Variants in PRH1 observed in about 807,000 individuals in gnomAD.
PRH1 encodes proline rich protein HaeIII subfamily 1.
PRH1 carries 7 observed loss-of-function variants against 7.9 expected under a neutral mutation model. That is an observed-to-expected ratio of 0.89 (90% CI 0.50 to 1.67). The LOEUF is 1.67. Ranked by LOEUF, PRH1 falls within the 40% of genes most tolerant of loss-of-function variation. PRH1 has a pLI of 0.00. For missense variants in PRH1, 109 were observed against 223.6 expected (o/e 0.49, Z 3.27); for synonymous variants, 45 against 80.8 (o/e 0.56, Z 2.38).
At chr12:10,973,704 A>T in exon 2 of PRH1, 1 of 780,246 alleles carries the variant, frequency 1.3e-6, no homozygotes. Flanking sequence ...CAGCAGGCAA[A>T]ATATTCTTCT....
chr12:11,090,230 G>C (rs1265261065), intron 1 of PRH1, among the ~76,000 whole-genome samples: 1 of 98,700 alleles, frequency 1.0e-5, no homozygotes, highest in African/African-American at 3.3e-5. Context: ...AATACATAGG[G>C]TTCACAGATA....
At chr12:10,908,294 ATAAAATATCT>A in intron 2 of PRH1, 1 of 1,238,442 alleles carries the variant, frequency 8.1e-7, no homozygotes, top group Non-Finnish European at 1.1e-6. Context: ...CAGGGGAAGC[ATAAAATATCT>A]TTTAAACTCC....
chr12:11,136,173 G>A (rs1946546906), intron 1 of PRH1, among the ~76,000 whole-genome samples: 1 of 152,056 alleles, frequency 6.6e-6, no homozygotes, highest in Non-Finnish European at 1.5e-5. Context: ...TACCAACTAG[G>A]TATGCAACCC....
chr12:10,991,047 C>A (rs532315470), intron 1 of PRH1, among the ~76,000 whole-genome samples: 1 of 152,252 alleles, frequency 6.6e-6, no homozygotes, highest in Admixed American at 6.5e-5. Context: ...CAAATGACTT[C>A]TTAGAGAAAG....
chr12:10,989,054 C>A (rs372503157), intron 1 of PRH1, among the ~76,000 whole-genome samples: 2 of 152,124 alleles, frequency 1.3e-5, no homozygotes, highest in East Asian at 3.9e-4. Context: ...GTGATCCACC[C>A]GCCTCGGCCT....
chr12:10,974,059 C>T (rs564858216), intron 1 of PRH1, among the ~76,000 whole-genome samples: 24 of 152,214 alleles, frequency 1.6e-4, no homozygotes, highest in South Asian at 1.5e-3. Context: ...ATACTATAGA[C>T]AAGAATAATG....
At chr12:11,002,969 T>C (rs1415443599) in intron 1 of PRH1, among the ~76,000 whole-genome samples, 1 of 152,014 alleles carries the variant, frequency 6.6e-6, no homozygotes, top group Non-Finnish European at 1.5e-5. Flanking sequence ...TTGTACCTTA[T>C]GAAAAATTCC....
intron 1 of PRH1, chr12:10,996,595 C>T (rs531625030): frequency 7.5e-4 from 124 of 164,828 alleles, no homozygotes; most frequent in Non-Finnish European, 1.2e-3. Context: ...TCATAAATTC[C>T]TCAAATGAAA....
At chr12:10,970,173 G>A (rs1349076213) in intron 2 of PRH1, among the ~76,000 whole-genome samples, 1 of 152,158 alleles carries the variant, frequency 6.6e-6, no homozygotes, top group African/African-American at 2.4e-5. Context: ...ATTATACTAA[G>A]TAAGTTTTAC....
At chr12:11,099,551 G>C (rs573595260) in intron 1 of PRH1, among the ~76,000 whole-genome samples, 1 of 152,212 alleles carries the variant, frequency 6.6e-6, no homozygotes, top group African/African-American at 2.4e-5. Flanking sequence ...ACAAAAATTA[G>C]GTGGGCTCAG....
chr12:11,056,751 G>A (rs1315783224), intron 1 of PRH1, among the ~76,000 whole-genome samples: 1 of 152,144 alleles, frequency 6.6e-6, no homozygotes, highest in Non-Finnish European at 1.5e-5. Context: ...CCAGGAGGTG[G>A]AGGTTGTAGT....
intron 2 of PRH1, chr12:10,973,608 T>C (rs770839476): frequency 1.3e-6 from 1 of 763,466 alleles, no homozygotes; most frequent in African/African-American, 1.7e-5. Context: ...AACCAAGTGT[T>C]GCTAGGTTTT....
intron 1 of PRH1, among the ~76,000 whole-genome samples, chr12:11,024,635 TCTC>T (rs889591931): frequency 6.6e-6 from 1 of 152,162 alleles, no homozygotes; most frequent in African/African-American, 2.4e-5. Context: ...TCTTTTCACT[TCTC>T]TATATTTTTT....
At chr12:10,999,289 T>C (rs891331647) in intron 1 of PRH1, among the ~76,000 whole-genome samples, 1 of 152,154 alleles carries the variant, frequency 6.6e-6, no homozygotes, top group Non-Finnish European at 1.5e-5. Flanking sequence ...TCAAAGTTTT[T>C]GTAATATGAG....
upstream of PRH1, among the ~76,000 whole-genome samples, chr12:10,886,258 A>C (rs1949490724): frequency 6.6e-6 from 1 of 152,156 alleles, no homozygotes; most frequent in Non-Finnish European, 1.5e-5. Context: ...CCATCATGTC[A>C]AAAAGGAAGG....
chr12:11,132,488 CAA>C (rs906984947), intron 1 of PRH1, among the ~76,000 whole-genome samples: 4 of 152,098 alleles, frequency 2.6e-5, no homozygotes, highest in Non-Finnish European at 4.4e-5. Flanking sequence ...AGCTCAATTT[CAA>C]AAAAAGTTTT....
At chr12:10,884,372 C>G (rs551263088), upstream of PRH1, 1 of 801,630 alleles carries the variant, frequency 1.2e-6, no homozygotes, top group Non-Finnish European at 2.1e-6. Context: ...TACTTCAGGT[C>G]AAGTGTATCC....
intron 2 of PRH1, among the ~76,000 whole-genome samples, chr12:10,911,316 C>T (rs1213647946): frequency 6.6e-6 from 1 of 152,104 alleles, no homozygotes; most frequent in Non-Finnish European, 1.5e-5. Flanking sequence ...ATGACAAAGA[C>T]ATAGAGAATG....
upstream of PRH1, among the ~76,000 whole-genome samples, chr12:11,051,377 T>C (rs1264674973): frequency 2.6e-5 from 4 of 152,236 alleles, no homozygotes; most frequent in Admixed American, 6.5e-5. Flanking sequence ...TTCCCTTTGG[T>C]ATATAATGAG....
Sources: allele counts gnomAD v4.1 joint callset (sites outside exome capture counted in the v4.1 genomes callset), GRCh38; gene constraint gnomAD v4.1.1; transcripts MANE v1.5; gene names NCBI Gene and HGNC (gene_info 2026-07-23, HGNC 2026-07-21).